Variants in ATAD2B observed in about 807,000 individuals in gnomAD.
ATAD2B encodes ATPase family AAA domain-containing protein 2B.
ATAD2B carries 40 observed loss-of-function variants against 167.6 expected under a neutral mutation model. That is an observed-to-expected ratio of 0.24 (90% CI 0.19 to 0.31). The LOEUF (loss-of-function observed/expected upper bound fraction) is 0.31, where lower values mean the gene tolerates loss of function less well. Ranked by LOEUF, ATAD2B falls within the 10% of genes least tolerant of loss-of-function variation. The pLI is 1.00. For synonymous variants in ATAD2B, 579 were observed against 596.5 expected, an observed-to-expected ratio of 0.97 and a Z score of 0.43; for missense variants, 1,242 against 1,757.2, an observed-to-expected ratio of 0.71 and a Z score of 5.24.
intron 22 of ATAD2B, among the ~76,000 whole-genome samples, chr2:23,766,094 T>C (rs1677373807): frequency 1.3e-5 from 2 of 151,478 alleles, no homozygotes; most frequent in Non-Finnish European, 2.9e-5. Context: ...AGGTGACTTA[T>C]TTTTTTTTAA....
intron 8 of ATAD2B, among the ~76,000 whole-genome samples, chr2:23,875,250 C>T (rs570225521): frequency 6.6e-6 from 1 of 151,708 alleles, no homozygotes; most frequent in Non-Finnish European, 1.5e-5. Context: ...GCCTGTAATC[C>T]CAACACTTTG....
intron 10 of ATAD2B, chr2:23,865,917 T>C: frequency 1.1e-6 from 1 of 911,664 alleles, no homozygotes; most frequent in Non-Finnish European, 1.3e-6. Flanking sequence ...TAAGAAAATT[T>C]TACCCAAAGT....
intron 16 of ATAD2B, among the ~76,000 whole-genome samples, chr2:23,820,288 C>G (rs1379236899): frequency 1.3e-5 from 2 of 152,162 alleles, no homozygotes; most frequent in East Asian, 3.8e-4. Flanking sequence ...CTTATAAAAG[C>G]AACAAGGAAC....
At chr2:23,701,724 C>G in the ATAD2B span, among the ~76,000 whole-genome samples, 52 of 150,360 alleles carry the variant, frequency 3.5e-4, no homozygotes, top group African/African-American at 1.2e-3. Flanking sequence ...CTCAAACAAA[C>G]AAACCTTCAC....
intron 12 of ATAD2B, among the ~76,000 whole-genome samples, chr2:23,860,257 C>T (rs1442712735): frequency 6.6e-6 from 1 of 152,164 alleles, no homozygotes; most frequent in Non-Finnish European, 1.5e-5. Context: ...TCTGTTCATT[C>T]TAAATTACAC....
At chr2:23,885,365 C>T (rs1166987251) in intron 5 of ATAD2B, among the ~76,000 whole-genome samples, 1 of 152,166 alleles carries the variant, frequency 6.6e-6, no homozygotes, top group African/African-American at 2.4e-5. Context: ...GATTTGTTTA[C>T]ACTTAGGCAA....
chr2:23,727,064 G>T, the ATAD2B span, among the ~76,000 whole-genome samples: 1 of 151,914 alleles, frequency 6.6e-6, no homozygotes, highest in African/African-American at 2.4e-5. Flanking sequence ...AGAAGATCAA[G>T]GTTTCTTTCT....
chr2:23,808,191 T>C (rs1465803298), intron 18 of ATAD2B, among the ~76,000 whole-genome samples: 2 of 129,374 alleles, frequency 1.5e-5, no homozygotes, highest in Non-Finnish European at 3.3e-5. Flanking sequence ...ATATATATAT[T>C]TATATTTATA....
At chr2:23,872,809 G>C (rs1573164039) in intron 8 of ATAD2B, 1 of 1,017,064 alleles carries the variant, frequency 9.8e-7, no homozygotes, top group Non-Finnish European at 1.6e-6. Context: ...GCACTGTCCA[G>C]AGGGTCCAGA....
chr2:23,751,504 C>G lies in ATAD2B; in HGVS notation c.*542G>C, dbSNP rs1675350756. 1 of 152,274 alleles carries G rather than the reference C, an allele frequency of 6.6e-6. No homozygotes were observed. The highest frequency in any genetic ancestry group is 1.5e-5 in the Non-Finnish European group (1 of 68,166). The allele number at this position is 152,274 out of a possible 1,614,324, so 9.4% of individuals were successfully genotyped here. A position where few individuals can be genotyped will look rare whatever the true frequency, so the allele number is the denominator to read the frequency against. The stretch of plus-strand genomic sequence containing the variant: ...CACGTTAAAGGCAGTTCTAAAGAGC[C>G]TGACCTAATTTCATCCAGTTTCTTC... On this transcript the variant is annotated 3_prime_UTR_variant, in exon 28 of 28. Transcript: ENST00000238789.
At chr2:23,869,388 G>A (rs1480855956) in intron 9 of ATAD2B, among the ~76,000 whole-genome samples, 1 of 152,144 alleles carries the variant, frequency 6.6e-6, no homozygotes, top group Non-Finnish European at 1.5e-5. Context: ...AGGTACAGAG[G>A]AAAAGACAGA....
intron 13 of ATAD2B, among the ~76,000 whole-genome samples, chr2:23,855,827 T>A (rs1693307040): frequency 1.3e-5 from 2 of 152,082 alleles, no homozygotes; most frequent in Non-Finnish European, 2.9e-5. Flanking sequence ...AGTTTGAGGT[T>A]ACAGTGAGCT....
intron 12 of ATAD2B, among the ~76,000 whole-genome samples, chr2:23,858,979 A>T (rs1693898452): frequency 6.6e-6 from 1 of 152,208 alleles, no homozygotes; most frequent in Non-Finnish European, 1.5e-5. Context: ...AATAAATCCT[A>T]AAAGTAGAAC....
At chr2:23,841,317 G>C (rs758956205) in intron 13 of ATAD2B, among the ~76,000 whole-genome samples, 3 of 151,900 alleles carry the variant, frequency 2.0e-5, no homozygotes, top group African/African-American at 7.3e-5. Context: ...AATGCTTTCT[G>C]ACTTATGGTT....
the ATAD2B span, among the ~76,000 whole-genome samples, chr2:23,713,261 T>G: frequency 2.0e-5 from 3 of 152,264 alleles, no homozygotes; most frequent in Non-Finnish European, 4.4e-5. Flanking sequence ...CCTGGGACTT[T>G]ACGTTCCTGT....
At chr2:23,711,342 C>CTTTTTTTTTTTTTTTTTTT in the ATAD2B span, among the ~76,000 whole-genome samples, 1 of 79,784 alleles carries the variant, frequency 1.3e-5, no homozygotes, top group Non-Finnish European at 2.4e-5. Context: ...GAATTTCTTT[C>CTTTTTTTTTTTTTTTTTTT]TTTTTTTTTT....
chr2:23,856,850 A>G (rs1449456178), intron 13 of ATAD2B, among the ~76,000 whole-genome samples: 2 of 151,806 alleles, frequency 1.3e-5, no homozygotes, highest in African/African-American at 4.8e-5. Flanking sequence ...ACAGGGTGAG[A>G]CTCTGACTCT....
chr2:23,828,029 T>G (rs1558613958), intron 15 of ATAD2B, among the ~76,000 whole-genome samples: 1 of 152,164 alleles, frequency 6.6e-6, no homozygotes, highest in Non-Finnish European at 1.5e-5. Flanking sequence ...TGGACTTATT[T>G]GGGGGATTTC....
At chr2:23,797,676 C>G (rs1046643869) in intron 19 of ATAD2B, among the ~76,000 whole-genome samples, 1 of 152,104 alleles carries the variant, frequency 6.6e-6, no homozygotes, top group Non-Finnish European at 1.5e-5. Context: ...GGATCCAAGT[C>G]TAAACAAAAT....
Sources: allele counts gnomAD v4.1 joint callset (sites outside exome capture counted in the v4.1 genomes callset), GRCh38; gene constraint gnomAD v4.1.1; transcripts MANE v1.5; gene names NCBI Gene and HGNC (gene_info 2026-07-23, HGNC 2026-07-21).